The following TSPEAR variants were observed in gnomAD, a reference collection of about 807,000 sequenced individuals.
TSPEAR encodes thrombospondin-type laminin G domain and EAR repeat-containing protein.
Under a neutral mutation model 71.6 loss-of-function variants are expected in TSPEAR, and 69 were observed. The ratio of observed to expected loss-of-function variants is 0.96; its 90% CI spans 0.79 to 1.18. TSPEAR has a LOEUF of 1.18. Ranked by LOEUF, TSPEAR falls within the 50% of genes most tolerant of loss-of-function variation. The probability of loss-of-function intolerance (pLI) is 0.00; values close to 1 mark genes in which losing one functional copy is unlikely to be tolerated. For synonymous variants in TSPEAR, 402 were observed against 387.2 expected, an observed-to-expected ratio of 1.04 and a Z score of -0.45; for missense variants, 971 against 894.9, an observed-to-expected ratio of 1.09 and a Z score of -1.09.
chr21:44,677,148 A>G (rs1488579651), intron 1 of TSPEAR: 1 of 715,314 alleles, frequency 1.4e-6, no homozygotes, highest in Non-Finnish European at 2.6e-6. Flanking sequence ...TCATGTTGTG[A>G]AGTTTATATG....
intron 1 of TSPEAR, among the ~76,000 whole-genome samples, chr21:44,568,686 G>C (rs1298173221): frequency 1.3e-5 from 2 of 152,222 alleles, no homozygotes; most frequent in African/African-American, 2.4e-5. Context: ...TCAGATCCCT[G>C]GCCCAGGCTG....
intron 2 of TSPEAR, chr21:44,550,570 G>A: frequency 7.0e-7 from 1 of 1,427,196 alleles, no homozygotes; most frequent in Non-Finnish European, 9.5e-7. Context: ...CCGGGGCTGG[G>A]CGGCTGTGGC....
chr21:44,613,253 A>T (rs1221784106), intron 1 of TSPEAR, among the ~76,000 whole-genome samples: 1 of 152,152 alleles, frequency 6.6e-6, no homozygotes, highest in Non-Finnish European at 1.5e-5. Flanking sequence ...TTGAGCTGAC[A>T]TTGGTCTCCT....
chr21:44,582,053 A>G (rs1216107101), intron 1 of TSPEAR, among the ~76,000 whole-genome samples: 1 of 152,190 alleles, frequency 6.6e-6, no homozygotes, highest in Non-Finnish European at 1.5e-5. Flanking sequence ...GTTGTGCGAG[A>G]ACTGTGTGCT....
intron 1 of TSPEAR, among the ~76,000 whole-genome samples, chr21:44,616,537 T>C (rs888400698): frequency 2.0e-5 from 3 of 152,172 alleles, no homozygotes; most frequent in African/African-American, 7.2e-5. Context: ...TCCTCCTCCC[T>C]GCCAGGTGCC....
At chr21:44,658,029 A>G (rs9306111) in intron 1 of TSPEAR, 1,169,635 of 1,613,914 alleles carry the variant, frequency 0.72, 426,169 homozygotes, top group African/African-American at 0.89. Context: ...TGCTGCATAC[A>G]CAGCCCCTGC....
intron 1 of TSPEAR, chr21:44,647,047 G>A: frequency 6.2e-7 from 1 of 1,613,720 alleles, no homozygotes; most frequent in African/African-American, 1.3e-5. Context: ...CTGCAAGACT[G>A]TCTACTGCAA....
chr21:44,692,331 C>G (rs1274294961), intron 1 of TSPEAR, among the ~76,000 whole-genome samples: 1 of 152,132 alleles, frequency 6.6e-6, no homozygotes, highest in East Asian at 1.9e-4. Context: ...CAATATTCAA[C>G]ATTGTACTGG....
Position 44,627,577 on chromosome 21 carries a change from T to C in TSPEAR, c.83-59572A>G, listed in dbSNP as rs201991753. ...GCCAGCTTGCTGTGCCTCTTCCTCC[T>C]GCCAGCCGGCCTGCTGTGTGCCCGT... is the stretch of plus-strand genomic sequence containing the variant. On this transcript the variant is annotated intron_variant, in intron 1 of 11. Transcript: ENST00000323084. 5.6e-4 allele frequency: 904 copies of C among 1,613,626 alleles called. 6 individuals are homozygous for C. In the African/African-American group the frequency reaches 0.01, roughly 18 times the overall value.
intron 2 of TSPEAR, among the ~76,000 whole-genome samples, chr21:44,552,365 A>T (rs1189670604): frequency 6.6e-6 from 1 of 152,194 alleles, no homozygotes; most frequent in Non-Finnish European, 1.5e-5. Flanking sequence ...GCCTGAGCCC[A>T]GCATGGCCTG....
At chr21:44,503,337 C>CA (rs1555911409) in intron 11 of TSPEAR, among the ~76,000 whole-genome samples, 11 of 124,624 alleles carry the variant, frequency 8.8e-5, no homozygotes, top group African/African-American at 1.2e-4. Flanking sequence ...GGTGAGCCCT[C>CA]GGGGGGAAGC....
chr21:44,612,019 A>G lies in TSPEAR; in HGVS notation c.83-44014T>C. 7.3e-7 allele frequency: 1 copy of G among 1,367,978 alleles called. No individual in the cohort carries two copies. The highest frequency in any genetic ancestry group is 1.0e-6 in the Non-Finnish European group (1 of 981,064). 84.7% of individuals were successfully genotyped at this position (1,367,978 alleles called of 1,614,324 possible). The stretch of plus-strand genomic sequence containing the variant: ...ACTCCTGTGAGGAAAATACCCAGGG[A>G]GGGTATAAAACCTCAGCAGCCAGGG... On this transcript the variant is annotated intron_variant, in intron 1 of 11. Coordinates refer to ENST00000323084, the MANE Select transcript of TSPEAR (RefSeq NM_144991.3). The surrounding 1 kb of genome is among the most constrained non-coding windows in gnomAD (Gnocchi z 4.1).
chr21:44,667,073 T>C (rs1985823816), intron 1 of TSPEAR: 2 of 711,230 alleles, frequency 2.8e-6, no homozygotes, highest in Non-Finnish European at 4.7e-6. Flanking sequence ...CTGGGTTTTG[T>C]TTGGCCCTTA....
chr21:44,610,927 G>A (rs1472590526), intron 1 of TSPEAR, among the ~76,000 whole-genome samples: 1 of 152,156 alleles, frequency 6.6e-6, no homozygotes, highest in Non-Finnish European at 1.5e-5. Context: ...ACTTGCATGG[G>A]CCCTGTAAAA....
chr21:44,577,654 C>G lies in TSPEAR; in HGVS notation c.83-9649G>C, dbSNP rs147076415. On this transcript the variant is annotated intron_variant, in intron 1 of 11. Transcript: ENST00000323084. ...CTCCCACCAGGCCCTGCCTCCAACA[C>G]GGGATCATGGTTCACCATGAGATTT... Among the ~76,000 whole-genome samples, 796 of 152,330 alleles carry G rather than the reference C, an allele frequency of 5.2e-3. 6 individuals carry two copies. The highest frequency in any genetic ancestry group is 0.017 in the Middle Eastern group (5 of 294).
At position 44,499,811 on chromosome 21, in the gene TSPEAR, G is replaced by GA. The variant is rs782395242; in HGVS notation, c.1981dup (p.Ser661PhefsTer33). The GA allele has an allele frequency of 6.3e-7, 1 of 1,578,172 alleles. No homozygotes were observed. The highest frequency in any genetic ancestry group is 1.8e-5 in the Admixed American group (1 of 55,430). ...GCGTGTCCTCAGCCGCAGGACCCTG[G>GA]AGAGGGGCTCCTTGGCGCTGGAGTA... is the stretch of plus-strand genomic sequence containing the variant. On this transcript the variant is annotated frameshift_variant, in exon 12 of 12. Transcript: ENST00000323084. LOFTEE classifies it high-confidence loss of function.
intron 1 of TSPEAR, chr21:44,574,912 C>T (rs1261334034): frequency 6.2e-7 from 1 of 1,612,836 alleles, no homozygotes; most frequent in East Asian, 2.2e-5. Flanking sequence ...GCTCCCACCT[C>T]CTCCTGCCAA....
chr21:44,518,193 A>T (rs369308117), intron 9 of TSPEAR: 2 of 393,324 alleles, frequency 5.1e-6, no homozygotes, highest in Admixed American at 3.8e-5. Context: ...ACTTAAAAAA[A>T]TTCCTTTCTG....
chr21:44,571,938 C>T (rs985178125), intron 1 of TSPEAR, among the ~76,000 whole-genome samples: 7 of 152,226 alleles, frequency 4.6e-5, no homozygotes, highest in Admixed American at 2.0e-4. Flanking sequence ...AGGGACCGTG[C>T]GGGCGAGGCC....
Sources: allele counts gnomAD v4.1 joint callset (sites outside exome capture counted in the v4.1 genomes callset), GRCh38; gene constraint gnomAD v4.1.1; non-coding constraint Gnocchi (gnomAD v3.1); transcripts MANE v1.5; gene names NCBI Gene and HGNC (gene_info 2026-07-23, HGNC 2026-07-21).